Variants in TLL1 observed in about 807,000 individuals in gnomAD.
TLL1 encodes tolloid like 1.
Under a neutral mutation model 128.2 loss-of-function variants are expected in TLL1, and 49 were observed. The ratio of observed to expected loss-of-function variants is 0.38; its 90% CI spans 0.30 to 0.48. The LOEUF is 0.48. Ranked by LOEUF, TLL1 falls within the 20% of genes least tolerant of loss-of-function variation. The pLI is 0.96. For synonymous variants in TLL1, 454 were observed against 418.8 expected (o/e 1.08, Z -1.03); for missense variants, 1,123 against 1,242.0 (o/e 0.90, Z 1.44).
intron 16 of TLL1, among the ~76,000 whole-genome samples, chr4:166,073,529 G>A (rs1382220204): frequency 6.6e-6 from 1 of 152,032 alleles, no homozygotes; most frequent in East Asian, 1.9e-4. Context: ...GATAATAAGT[G>A]TTGAAAGAAT....
chr4:166,013,192 C>A (rs1737777578), intron 7 of TLL1, among the ~76,000 whole-genome samples: 1 of 151,780 alleles, frequency 6.6e-6, no homozygotes. Flanking sequence ...TTAAAAGCAG[C>A]CCATCACTGC....
intron 1 of TLL1, among the ~76,000 whole-genome samples, chr4:165,931,164 C>T (rs979046168): frequency 1.3e-5 from 2 of 152,060 alleles, no homozygotes; most frequent in East Asian, 1.9e-4. Flanking sequence ...GGTTTATGGA[C>T]ACAACAATAA....
chr4:165,982,152 A>C (rs766702564), intron 1 of TLL1, among the ~76,000 whole-genome samples: 3 of 152,020 alleles, frequency 2.0e-5, no homozygotes, highest in African/African-American at 7.2e-5. Flanking sequence ...TCAGCAAGTT[A>C]ATAGTATTAA....
intron 1 of TLL1, among the ~76,000 whole-genome samples, chr4:165,985,703 C>T (rs1334928910): frequency 6.6e-6 from 1 of 151,926 alleles, no homozygotes; most frequent in Admixed American, 6.6e-5. Flanking sequence ...TCTTGAATTG[C>T]TTATTCTCAT....
At chr4:166,032,952 A>G (rs968821347) in intron 9 of TLL1, among the ~76,000 whole-genome samples, 6 of 152,146 alleles carry the variant, frequency 3.9e-5, no homozygotes, top group African/African-American at 1.4e-4. Context: ...TTAGTGAAGT[A>G]TCAATGCAAG....
At chr4:165,933,382 C>T (rs1419705950) in intron 1 of TLL1, among the ~76,000 whole-genome samples, 2 of 152,056 alleles carry the variant, frequency 1.3e-5, no homozygotes, top group Non-Finnish European at 2.9e-5. Flanking sequence ...CGGTGTTGTG[C>T]CCGTACAGTT....
At position 166,078,498 on chromosome 4, in the gene TLL1, T is replaced by G. The variant is rs79147806; in HGVS notation, c.2442+468T>G. Among the ~76,000 whole-genome samples, 336 of 152,322 alleles carry G rather than the reference T, an allele frequency of 2.2e-3. 13 individuals carry two copies. The East Asian group carries it at 0.058, about 26-fold the overall frequency. On this transcript the variant is annotated intron_variant, in intron 18 of 20. Coordinates refer to ENST00000061240, the MANE Select transcript of TLL1 (RefSeq NM_012464.5). ...TCTTGTGGTTTACAGAATATTATTT[T>G]TGCATGATGTATTGCCCTCTGTACA...
At chr4:166,041,307 T>TC (rs1164101580) in intron 10 of TLL1, among the ~76,000 whole-genome samples, 14 of 150,308 alleles carry the variant, frequency 9.3e-5, no homozygotes, top group East Asian at 1.9e-4. Flanking sequence ...TTTCTTTCTT[T>TC]TTTTTTTTTT....
chr4:165,900,263 TTGATCCTGTCATCA>T (rs1261796997), intron 1 of TLL1, among the ~76,000 whole-genome samples: 3 of 152,130 alleles, frequency 2.0e-5, no homozygotes, highest in Non-Finnish European at 4.4e-5. Flanking sequence ...ATGTGTGAAT[TTGATCCTGTCATCA>T]TGATGATAGC....
intron 1 of TLL1, among the ~76,000 whole-genome samples, chr4:165,928,072 C>T (rs1396867892): frequency 1.3e-5 from 2 of 152,116 alleles, no homozygotes; most frequent in Non-Finnish European, 2.9e-5. Flanking sequence ...GAAAGGGAGT[C>T]GAAAGCCATG....
At chr4:165,980,812 T>G (rs564217285) in intron 1 of TLL1, among the ~76,000 whole-genome samples, 1 of 152,232 alleles carries the variant, frequency 6.6e-6, no homozygotes, top group East Asian at 1.9e-4. Context: ...ATTTTTGAAT[T>G]CCTATTGCCT....
At position 165,874,203 on chromosome 4, in the gene TLL1, C is replaced by T. The variant is rs1225376218; in HGVS notation, c.169+130C>T. 6.1e-6 allele frequency: 7 copies of T among 1,149,566 alleles called. No individual in the cohort carries two copies. The Admixed American group carries it at 9.0e-5, about 15-fold the overall frequency. 71.2% of individuals were successfully genotyped at this position (1,149,566 alleles called of 1,614,324 possible). A position where few individuals can be genotyped will look rare whatever the true frequency, so the allele number is the denominator to read the frequency against. On this transcript the variant is annotated intron_variant, in intron 1 of 20. Coordinates refer to ENST00000061240, the MANE Select transcript of TLL1 (RefSeq NM_012464.5). ...GCCCCTCCGCCGCCCCTCCTTCTCT[C>T]CCCCTCCTTTTCCTTCCCTTCCCCA... is the stretch of plus-strand genomic sequence containing the variant.
intron 9 of TLL1, among the ~76,000 whole-genome samples, chr4:166,027,926 T>C (rs1292835715): frequency 2.6e-5 from 4 of 152,124 alleles, no homozygotes; most frequent in Non-Finnish European, 5.9e-5. Context: ...TCCAAAAATG[T>C]TGTAAATAGG....
chr4:165,990,047 T>C (rs995730395), intron 2 of TLL1, among the ~76,000 whole-genome samples: 2 of 151,924 alleles, frequency 1.3e-5, no homozygotes, highest in East Asian at 1.9e-4. Flanking sequence ...ATCTATATAA[T>C]TTTTGTAAAA....
intron 18 of TLL1, among the ~76,000 whole-genome samples, chr4:166,083,450 A>G (rs1344314310): frequency 8.1e-6 from 1 of 123,002 alleles, no homozygotes; most frequent in African/African-American, 2.5e-5. Context: ...ATTAACTATA[A>G]GTCACCATGT....
rs58707351 is a variant in TLL1, at chr4:165,962,884, T to C, written c.170-26497T>C. On this transcript the variant is annotated intron_variant, in intron 1 of 20. Coordinates refer to ENST00000061240, the MANE Select transcript of TLL1 (RefSeq NM_012464.5). ...CAGCCTGGCCAACATGCTGAAACCA[T>C]GTCTCCCTAAAAGTACAAAAATTAG... Among the ~76,000 whole-genome samples the C allele has an allele frequency of 5.2e-3, 786 of 151,640 alleles. 12 individuals carry two copies. The highest frequency in any genetic ancestry group is 0.018 in the African/African-American group (730 of 41,384).
chr4:165,905,253 T>C (rs548836271), intron 1 of TLL1, among the ~76,000 whole-genome samples: 1 of 152,316 alleles, frequency 6.6e-6, no homozygotes, highest in East Asian at 1.9e-4. Context: ...CAAACCTTTA[T>C]TCACAATAAT....
chr4:166,039,202 A>G lies in TLL1; in HGVS notation c.1159-137A>G, dbSNP rs760604871. On this transcript the variant is annotated intron_variant, in intron 9 of 20. Transcript: ENST00000061240. ...TTTGGTTCAGAAAAAAACTATTAGG[A>G]TAATTATAGTATAGAAAAACAATTA... 65 of 657,870 alleles carry G rather than the reference A, an allele frequency of 9.9e-5. 1 individual carries two copies. Among genetic ancestry groups the G allele is most frequent in the Non-Finnish European group, 1.4e-4 (54 of 372,872 alleles). 40.8% of individuals were successfully genotyped at this position (657,870 alleles called of 1,614,324 possible).
At chr4:165,897,860 A>T (rs1053529754) in intron 1 of TLL1, among the ~76,000 whole-genome samples, 1 of 152,040 alleles carries the variant, frequency 6.6e-6, no homozygotes, top group Admixed American at 6.6e-5. Flanking sequence ...CCTACCCATG[A>T]GCATGGAATG....
Sources: allele counts gnomAD v4.1 joint callset (sites outside exome capture counted in the v4.1 genomes callset), GRCh38; gene constraint gnomAD v4.1.1; transcripts MANE v1.5; gene names NCBI Gene and HGNC (gene_info 2026-07-23, HGNC 2026-07-21).